Variants in JAZF1 observed in about 807,000 individuals in gnomAD.
JAZF1 encodes juxtaposed with another zinc finger protein 1.
Under a neutral mutation model 26.4 loss-of-function variants are expected in JAZF1, and 8 were observed. The ratio of observed to expected loss-of-function variants is 0.30; its 90% CI spans 0.18 to 0.55. JAZF1 has a LOEUF of 0.55. JAZF1 is among the 20% of genes least tolerant of loss of function. JAZF1 has a pLI of 0.94. For missense variants in JAZF1, 199 were observed against 322.0 expected, an observed-to-expected ratio of 0.62 and a Z score of 2.92; for synonymous variants, 126 against 122.3, an observed-to-expected ratio of 1.03 and a Z score of -0.20.
At chr7:28,151,082 G>A (rs753941971) in intron 1 of JAZF1, among the ~76,000 whole-genome samples, 1 of 143,712 alleles carries the variant, frequency 7.0e-6, no homozygotes, top group African/African-American at 2.6e-5. Context: ...GCTCTTGGGA[G>A]GGGGGATTTT....
chr7:28,023,818 A>T (rs1783045948), intron 1 of JAZF1, among the ~76,000 whole-genome samples: 1 of 152,238 alleles, frequency 6.6e-6, no homozygotes, highest in South Asian at 2.1e-4. Context: ...AATGCTTGGT[A>T]AATTAAGCTA....
chr7:27,853,999 G>A (rs1483276106), intron 3 of JAZF1, among the ~76,000 whole-genome samples: 1 of 152,188 alleles, frequency 6.6e-6, no homozygotes, highest in Non-Finnish European at 1.5e-5. Context: ...TGTTGTGTGG[G>A]AGTCTAAGAC....
Position 27,981,403 on chromosome 7 carries a change from T to C in JAZF1, c.188+10506A>G, listed in dbSNP as rs147216765. The stretch of plus-strand genomic sequence containing the variant: ...ATAAAAGGGACTGTGATTCCCTGAA[T>C]TGGGATGCTAGACTAGACTGACCAG... On this transcript the variant is annotated intron_variant, in intron 2 of 4. Transcript: ENST00000283928. Among the ~76,000 whole-genome samples, 722 of 152,302 alleles carry C rather than the reference T, an allele frequency of 4.7e-3. 10 individuals carry two copies. The highest frequency in any genetic ancestry group is 0.016 in the African/African-American group (680 of 41,558).
chr7:27,838,171 G>A (rs1782853872), intron 4 of JAZF1, among the ~76,000 whole-genome samples: 1 of 152,126 alleles, frequency 6.6e-6, no homozygotes, highest in South Asian at 2.1e-4. Context: ...TCTCCTGTGT[G>A]TATATGAAAT....
At chr7:27,981,120 T>A (rs1277898439) in intron 2 of JAZF1, among the ~76,000 whole-genome samples, 1 of 152,220 alleles carries the variant, frequency 6.6e-6, no homozygotes, top group African/African-American at 2.4e-5. Flanking sequence ...TTCGTAAACT[T>A]ACTGATCCAC....
At chr7:28,160,775 GAA>G (rs1265657028) in intron 1 of JAZF1, among the ~76,000 whole-genome samples, 1 of 152,206 alleles carries the variant, frequency 6.6e-6, no homozygotes, top group Non-Finnish European at 1.5e-5. Flanking sequence ...AGGTGATCAT[GAA>G]AAGATTACAG....
At chr7:28,061,949 T>C (rs1285232694) in intron 1 of JAZF1, among the ~76,000 whole-genome samples, 1 of 152,210 alleles carries the variant, frequency 6.6e-6, no homozygotes, top group African/African-American at 2.4e-5. Flanking sequence ...CATACAGAAA[T>C]GTGATTGGAC....
chr7:27,857,561 T>C (rs1783293386), intron 3 of JAZF1, among the ~76,000 whole-genome samples: 2 of 152,358 alleles, frequency 1.3e-5, no homozygotes, highest in South Asian at 4.1e-4. Context: ...GCCAGCATGC[T>C]GTCACCTCTC....
chr7:27,920,834 T>C (rs889980756), intron 2 of JAZF1, among the ~76,000 whole-genome samples: 1 of 152,158 alleles, frequency 6.6e-6, no homozygotes, highest in African/African-American at 2.4e-5. Flanking sequence ...TACCCGTAAG[T>C]GGAAAAAAGC....
At chr7:27,885,920 T>A (rs1783853509) in intron 3 of JAZF1, among the ~76,000 whole-genome samples, 4 of 152,216 alleles carry the variant, frequency 2.6e-5, no homozygotes, top group Admixed American at 6.5e-5. Context: ...AAGGCTGGAT[T>A]CAGCTTAGAG....
chr7:27,865,053 AAT>A (rs1783451431), intron 3 of JAZF1, among the ~76,000 whole-genome samples: 1 of 152,182 alleles, frequency 6.6e-6, no homozygotes, highest in African/African-American at 2.4e-5. Context: ...GACAGAATGG[AAT>A]AGAGAGTATC....
chr7:27,935,146 C>A (rs865970403), intron 2 of JAZF1, among the ~76,000 whole-genome samples: 1 of 152,072 alleles, frequency 6.6e-6, no homozygotes, highest in Admixed American at 6.6e-5. Flanking sequence ...AAAATCGCAA[C>A]GAGATTCCAC....
chr7:27,967,383 G>C (rs1403909859), intron 2 of JAZF1, among the ~76,000 whole-genome samples: 1 of 151,986 alleles, frequency 6.6e-6, no homozygotes, highest in Non-Finnish European at 1.5e-5. Flanking sequence ...ACAGAACATA[G>C]GGACATCTTA....
intron 3 of JAZF1, among the ~76,000 whole-genome samples, chr7:27,851,294 T>C (rs2128334188): frequency 6.6e-6 from 1 of 152,264 alleles, no homozygotes; most frequent in Middle Eastern, 3.4e-3. Flanking sequence ...CACACTCAAA[T>C]TTGACATATT....
rs138504636 is a variant in JAZF1 at position 28,030,539 on chromosome 7, CT to C, written c.116-38559del. On this transcript the variant is annotated intron_variant, in intron 1 of 4. Coordinates refer to ENST00000283928, the MANE Select transcript of JAZF1 (RefSeq NM_175061.4). The stretch of plus-strand genomic sequence containing the variant: ...TCTGCATAAGTAAGGGCTGTTCGTC[CT>C]TTCAAGGCCTGGCTTCATTCCTTTT... Among the ~76,000 whole-genome samples the C allele has an allele frequency of 5.2e-3, 793 of 152,266 alleles. 4 individuals are homozygous for C. The highest frequency in any genetic ancestry group is 0.014 in the Middle Eastern group (4 of 294).
intron 1 of JAZF1, among the ~76,000 whole-genome samples, chr7:28,163,094 T>C (rs1304349477): frequency 6.6e-6 from 1 of 152,240 alleles, no homozygotes; most frequent in Non-Finnish European, 1.5e-5. Context: ...GTGCTTGTTA[T>C]ACCAGATAAT....
At chr7:27,953,632 T>C (rs1329502995) in intron 2 of JAZF1, among the ~76,000 whole-genome samples, 1 of 152,108 alleles carries the variant, frequency 6.6e-6, no homozygotes, top group Non-Finnish European at 1.5e-5. Flanking sequence ...TCCAACGAGG[T>C]GGCATGCACA....
chr7:27,837,310 C>G (rs575281371), intron 4 of JAZF1, among the ~76,000 whole-genome samples: 5 of 152,226 alleles, frequency 3.3e-5, no homozygotes, highest in African/African-American at 4.8e-5. Flanking sequence ...TGAATTCAGG[C>G]GAGCATGAGC....
intron 1 of JAZF1, among the ~76,000 whole-genome samples, chr7:28,180,144 C>T (rs1333553888): frequency 7.4e-6 from 1 of 135,518 alleles, no homozygotes; most frequent in Admixed American, 7.0e-5. Context: ...GGCCCCGCCG[C>T]CGCAACCCCG....
Sources: allele counts gnomAD v4.1 joint callset (sites outside exome capture counted in the v4.1 genomes callset), GRCh38; gene constraint gnomAD v4.1.1; transcripts MANE v1.5; gene names NCBI Gene and HGNC (gene_info 2026-07-23, HGNC 2026-07-21).